The following CFAP53 variants were observed in gnomAD, a reference collection of about 807,000 sequenced individuals.
The protein encoded by CFAP53 is cilia and flagella associated protein 53.
CFAP53 carries 62 observed loss-of-function variants against 59.7 expected under a neutral mutation model. That is an observed-to-expected ratio of 1.04 (90% CI 0.85 to 1.28). The LOEUF is 1.28. Among genes scored for constraint, CFAP53 ranks in the 50% most tolerant of loss-of-function variants. The pLI is 0.00. For missense variants in CFAP53, 629 were observed against 615.6 expected (o/e 1.02, Z -0.23); for synonymous variants, 218 against 205.7 (o/e 1.06, Z -0.51).
At chr18:50,243,714 G>A (rs1300611887) in intron 5 of CFAP53, among the ~76,000 whole-genome samples, 1 of 152,158 alleles carries the variant, frequency 6.6e-6, no homozygotes, top group Non-Finnish European at 1.5e-5. Flanking sequence ...CACTTTGGGA[G>A]GCCGAGGCGG....
At position 50,262,121 on chromosome 18, in the gene CFAP53, T is replaced by C; in HGVS notation, c.168A>G (p.Ser56=). The change falls in exon 2 of 8, where the codon TCA becomes TCG. Residue 56 remains serine, a synonymous_variant. Transcript: ENST00000398545. The stretch of plus-strand genomic sequence containing the variant: ...CAGCTTTCAAGCGATCCCGCTCACT[T>C]GACTTAATGGAAGCCAAAATAGCAT... The part of the protein sequence containing the change: ...KHNAILASIK[S]SERDRLKAEW... 6.2e-7 allele frequency: 1 copy of C among 1,614,256 alleles called. No homozygotes were observed. The highest frequency in any genetic ancestry group is 2.2e-5 in the East Asian group (1 of 44,888).
intron 3 of CFAP53, among the ~76,000 whole-genome samples, chr18:50,256,724 G>A (rs2033849772): frequency 6.6e-6 from 1 of 151,954 alleles, no homozygotes; most frequent in Admixed American, 6.6e-5. Context: ...AGAGCAGATG[G>A]AAGAAGCTTT....
In CFAP53 at chr18:50,262,060, T is replaced by C. The variant is rs1382890827; in HGVS notation, c.229A>G (p.Ser77Gly). ...TCCTTGATTCTTGCTCGCACAAGGC[T>C]GTCCAAAATCTTGCAGTCATTGTGC... ...DQHNDCKILD[S>G]LVRARIKDAV... Residue 77 changes from serine to glycine, a missense_variant, in exon 2 of 8, where the codon AGC (serine) becomes GGC (glycine). Transcript: ENST00000398545. The C allele has an allele frequency of 6.2e-7, 1 of 1,614,114 alleles. No individual in the cohort carries two copies. The highest frequency in any genetic ancestry group is 1.3e-5 in the African/African-American group (1 of 74,934).
chr18:50,243,161 T>C lies in CFAP53; in HGVS notation c.997-45A>G, dbSNP rs114149582. On this transcript the variant is annotated intron_variant, in intron 5 of 7. Coordinates refer to ENST00000398545, the MANE Select transcript of CFAP53 (RefSeq NM_145020.5). ...ATATTGTTAAAATTTTTTGGTGTGA[T>C]ACTATAGTAAGGATACATTTAAAAA... 8.2e-4 allele frequency: 1,158 copies of C among 1,410,048 alleles called. 6 individuals are homozygous for C. The African/African-American group carries it at 0.014, about 17-fold the overall frequency. The allele number at this position is 1,410,048 out of a possible 1,614,324, so 87.3% of individuals were successfully genotyped here.
intron 7 of CFAP53, among the ~76,000 whole-genome samples, chr18:50,235,623 T>A (rs2144404627): frequency 6.6e-6 from 1 of 152,336 alleles, no homozygotes; most frequent in East Asian, 1.9e-4. Flanking sequence ...GTATTGTTAA[T>A]GCAGTATCTT....
At chr18:50,232,129 G>A (rs76764599) in intron 7 of CFAP53, among the ~76,000 whole-genome samples, 13 of 152,312 alleles carry the variant, frequency 8.5e-5, no homozygotes, top group African/African-American at 2.9e-4. Flanking sequence ...CTGAGAGAAA[G>A]TGCAGTTTGT....
chr18:50,248,018 A>G (rs1320732), intron 5 of CFAP53, among the ~76,000 whole-genome samples: 1 of 152,144 alleles, frequency 6.6e-6, no homozygotes, highest in Non-Finnish European at 1.5e-5. Context: ...TCAAATAAGC[A>G]AGTCAATTAG....
At chr18:50,243,263 T>G (rs1297984073) in intron 5 of CFAP53, 147 bp from the exon 6 acceptor site, 1 of 637,072 alleles carries the variant, frequency 1.6e-6, no homozygotes, top group Admixed American at 2.9e-5. Context: ...TGGAGTTTAT[T>G]CCAAAATACT....
At chr18:50,235,076 G>T (rs2033619485) in intron 7 of CFAP53, among the ~76,000 whole-genome samples, 1 of 152,106 alleles carries the variant, frequency 6.6e-6, no homozygotes, top group Admixed American at 6.5e-5. Flanking sequence ...CCTGCATGCT[G>T]TTAAATGAAA....
chr18:50,266,472 C>T lies in CFAP53; in HGVS notation c.-68G>A. 6.7e-7 allele frequency: 1 copy of T among 1,489,724 alleles called. No homozygotes were observed. Among genetic ancestry groups the T allele is most frequent in the South Asian group, 1.1e-5 (1 of 88,564 alleles). The allele number at this position is 1,489,724 out of a possible 1,614,324, so 92.3% of individuals were successfully genotyped here. On this transcript the variant is annotated 5_prime_UTR_variant, in exon 1 of 8. Coordinates refer to ENST00000398545, the MANE Select transcript of CFAP53 (RefSeq NM_145020.5). Reference sequence around the variant, plus strand: ...CCCCCAACCGTGGCGACCTGCGGGACCCGCTTCCGCGACGCAGAAGTCTGG... The same window carrying T: ...CCCCCAACCGTGGCGACCTGCGGGATCCGCTTCCGCGACGCAGAAGTCTGG...
At chr18:50,235,001 A>G (rs1020446324) in intron 7 of CFAP53, among the ~76,000 whole-genome samples, 1 of 152,264 alleles carries the variant, frequency 6.6e-6, no homozygotes, top group Admixed American at 6.5e-5. Context: ...TCCTAAATTC[A>G]TTGGCAGGGG....
At chr18:50,241,112 G>T (rs1285667659) in intron 6 of CFAP53, among the ~76,000 whole-genome samples, 3 of 152,234 alleles carry the variant, frequency 2.0e-5, no homozygotes, top group African/African-American at 7.2e-5. Context: ...TGCAGCCTAG[G>T]CCAGGGATTT....
chr18:50,262,237 C>CGT lies in CFAP53; in HGVS notation c.70-19_70-18insAC, dbSNP rs760747304. ...TTGGATCTCTGAAAACAAAAACCAA[C>CGT]TATCACTTATAATAAGCCAAAGAAT... On this transcript the variant is annotated intron_variant, in intron 1 of 7. Transcript: ENST00000398545. 1 of 1,592,620 alleles carries CGT rather than the reference C, an allele frequency of 6.3e-7. No homozygotes were observed. Among genetic ancestry groups the CGT allele is most frequent in the South Asian group, 1.1e-5 (1 of 90,626 alleles).
intron 3 of CFAP53, 64 bp from the exon 4 acceptor site, chr18:50,251,848 C>T: frequency 7.5e-7 from 1 of 1,335,616 alleles, no homozygotes; most frequent in Non-Finnish European, 1.0e-6. Context: ...TATTGAGGCA[C>T]ACATCTGTAC....
At chr18:50,237,704 T>C (rs1344318317) in intron 7 of CFAP53, among the ~76,000 whole-genome samples, 1 of 151,968 alleles carries the variant, frequency 6.6e-6, no homozygotes, top group Non-Finnish European at 1.5e-5. Context: ...TGAGATGGTA[T>C]AAGAAAAACT....
At position 50,262,226 on chromosome 18, in the gene CFAP53, ACAAAAACCAAC is replaced by A. The variant is rs767487551; in HGVS notation, c.70-18_70-8del. 4 of 1,604,800 alleles carry A rather than the reference ACAAAAACCAAC, an allele frequency of 2.5e-6. No individual in the cohort carries two copies. The highest frequency in any genetic ancestry group is 2.2e-5 in the South Asian group (2 of 90,878). On this transcript the variant is annotated splice_region_variant and splice_polypyrimidine_tract_variant and intron_variant, in intron 1 of 7. Transcript: ENST00000398545. ...CTTTAGGAGGCTTGGATCTCTGAAA[ACAAAAACCAAC>A]TATCACTTATAATAAGCCAAAGAAT... is the stretch of plus-strand genomic sequence containing the variant.
At chr18:50,249,256 G>A (rs1217550462) in intron 5 of CFAP53, among the ~76,000 whole-genome samples, 6 of 148,072 alleles carry the variant, frequency 4.1e-5, no homozygotes, top group Admixed American at 2.0e-4. Flanking sequence ...AGTGGCTCAT[G>A]CCTGTAAACA....
intron 2 of CFAP53, 80 bp from the exon 3 acceptor site, chr18:50,261,317 A>AT: frequency 3.7e-6 from 5 of 1,341,764 alleles, no homozygotes; most frequent in Non-Finnish European, 4.9e-6. Flanking sequence ...TTTCAGAACT[A>AT]TAGGTCTAAT....
At chr18:50,237,227 C>CCCG (rs1411756319) in intron 7 of CFAP53, among the ~76,000 whole-genome samples, 1 of 138,130 alleles carries the variant, frequency 7.2e-6, no homozygotes, top group Non-Finnish European at 1.5e-5. Flanking sequence ...ATTGCTTGAA[C>CCCG]CCGGGAGTCG....
Sources: gnomAD v4.1 joint callset for allele counts (sites outside exome capture counted in the v4.1 genomes callset) on GRCh38, gnomAD v4.1.1 for gene constraint, MANE v1.5 for transcripts, NCBI Gene and HGNC (gene_info 2026-07-23, HGNC 2026-07-21) for gene names.